Variants in PAG1 observed in about 807,000 individuals in gnomAD.
The protein encoded by PAG1 is phosphoprotein membrane anchor with glycosphingolipid microdomains 1.
A neutral mutation model predicts 31.7 loss-of-function variants in PAG1; 23 were observed. That is an observed-to-expected ratio of 0.73 (90% CI 0.52 to 1.03). PAG1 has a LOEUF of 1.03. Among genes scored for constraint, PAG1 ranks in the 50% least tolerant of loss-of-function variants. The pLI, the probability that PAG1 is intolerant of heterozygous loss-of-function variation, is 0.00. For missense variants in PAG1, 473 were observed against 540.7 expected, an observed-to-expected ratio of 0.87 and a Z score of 1.24; for synonymous variants, 214 against 210.3, an observed-to-expected ratio of 1.02 and a Z score of -0.15.
At chr8:80,987,915 G>A (rs1807459518) in intron 5 of PAG1, among the ~76,000 whole-genome samples, 1 of 152,312 alleles carries the variant, frequency 6.6e-6, no homozygotes, top group South Asian at 2.1e-4. Context: ...GGGAGCTACT[G>A]TTTTTAGATT....
chr8:80,992,668 G>A (rs899503366), intron 4 of PAG1, among the ~76,000 whole-genome samples: 1 of 152,090 alleles, frequency 6.6e-6, no homozygotes, highest in Admixed American at 6.5e-5. Flanking sequence ...GAAACTGAAG[G>A]TCTACACTAC....
At chr8:81,014,906 G>A (rs1179686058) in intron 3 of PAG1, among the ~76,000 whole-genome samples, 2 of 152,170 alleles carry the variant, frequency 1.3e-5, no homozygotes, top group African/African-American at 4.8e-5. Flanking sequence ...GGAGGTGGTG[G>A]GTTGGGTAAA....
chr8:80,997,432 G>T (rs1807702920), intron 3 of PAG1, among the ~76,000 whole-genome samples: 1 of 152,060 alleles, frequency 6.6e-6, no homozygotes, highest in Non-Finnish European at 1.5e-5. Context: ...CACCATACCA[G>T]GATAACTTTT....
chr8:81,030,792 C>G (rs1808366910), intron 2 of PAG1, among the ~76,000 whole-genome samples: 1 of 152,162 alleles, frequency 6.6e-6, no homozygotes. Flanking sequence ...AGTTCTCTTC[C>G]CATCCTCAAA....
intron 2 of PAG1, among the ~76,000 whole-genome samples, chr8:81,052,952 G>A (rs1015941122): frequency 2.0e-5 from 3 of 152,096 alleles, no homozygotes; most frequent in African/African-American, 4.8e-5. Context: ...GACAATGAGC[G>A]GATATTTATT....
Position 80,969,278 on chromosome 8 carries a change from A to C in PAG1, c.*7266T>G, listed in dbSNP as rs930752698. ...GCTTAAGGGATGGGTCATGAACACC[A>C]CATCAGGTTCATTTATGAGTCTTAT... On this transcript the variant is annotated 3_prime_UTR_variant, in exon 9 of 9. Coordinates refer to ENST00000220597, the MANE Select transcript of PAG1 (RefSeq NM_018440.4). 13 of 152,202 alleles carry C rather than the reference A, an allele frequency of 8.5e-5. No individual in the cohort carries two copies. The highest frequency in any genetic ancestry group is 1.3e-4 in the Non-Finnish European group (9 of 68,036). The allele number at this position is 152,202 out of a possible 1,614,324, so 9.4% of individuals were successfully genotyped here.
chr8:81,094,850 C>G (rs1335160651), intron 1 of PAG1, among the ~76,000 whole-genome samples: 1 of 152,160 alleles, frequency 6.6e-6, no homozygotes, highest in Non-Finnish European at 1.5e-5. Context: ...AGGCAGGACT[C>G]TCTATGAAAA....
intron 6 of PAG1, among the ~76,000 whole-genome samples, chr8:80,985,644 C>G (rs1238445407): frequency 6.6e-6 from 1 of 152,156 alleles, no homozygotes; most frequent in Non-Finnish European, 1.5e-5. Context: ...CTTAATGTCA[C>G]TCCAATGAGA....
chr8:81,080,509 G>T (rs1809248973), intron 1 of PAG1, among the ~76,000 whole-genome samples: 1 of 152,102 alleles, frequency 6.6e-6, no homozygotes, highest in African/African-American at 2.4e-5. Context: ...ACCAGCTGAT[G>T]GTTGGTTGTG....
rs756149735 is a variant in PAG1, at chr8:80,993,153, G to A, written c.75C>T (p.Ala25=). 6.8e-6 allele frequency: 11 copies of A among 1,613,748 alleles called. No individual in the cohort carries two copies. Among genetic ancestry groups the A allele is most frequent in the Non-Finnish European group, 8.5e-6 (10 of 1,179,918 alleles). The change falls in exon 4 of 9, where the codon GCC becomes GCT. Residue 25 remains alanine (A), a synonymous_variant. Transcript: ENST00000220597. The part of the protein sequence containing the change: ...ITLWGSLAAV[A]IFFVITFLIF... The stretch of plus-strand genomic sequence containing the variant: ...TGAGGAAGGTGATGACGAAGAAAAT[G>A]GCGACAGCAGCCAGACTTCCCCACA...
intron 1 of PAG1, among the ~76,000 whole-genome samples, chr8:81,101,632 C>T (rs1047946671): frequency 1.3e-5 from 2 of 152,130 alleles, no homozygotes; most frequent in Non-Finnish European, 1.5e-5. Context: ...ATATTTTGCT[C>T]TGTGCGCCTA....
intron 1 of PAG1, among the ~76,000 whole-genome samples, chr8:81,107,407 G>C (rs1304558065): frequency 6.6e-6 from 1 of 152,128 alleles, no homozygotes; most frequent in Non-Finnish European, 1.5e-5. Context: ...ATGCAATAGA[G>C]TTTAGCTATC....
chr8:81,041,430 C>A (rs1489486767), intron 2 of PAG1, among the ~76,000 whole-genome samples: 1 of 152,142 alleles, frequency 6.6e-6, no homozygotes, highest in Non-Finnish European at 1.5e-5. Context: ...AGATGTCAGC[C>A]CAGATTATGG....
chr8:81,018,391 TG>T (rs1563631228), intron 3 of PAG1, among the ~76,000 whole-genome samples: 2 of 152,212 alleles, frequency 1.3e-5, no homozygotes, highest in African/African-American at 4.8e-5. Context: ...AGATTCAACA[TG>T]GGTATTTCAA....
At chr8:81,066,657 T>C (rs1236615529) in intron 2 of PAG1, among the ~76,000 whole-genome samples, 3 of 152,202 alleles carry the variant, frequency 2.0e-5, no homozygotes, top group African/African-American at 7.2e-5. Flanking sequence ...AATACTTGCT[T>C]TCCATAGTCC....
intron 1 of PAG1, among the ~76,000 whole-genome samples, chr8:81,095,775 T>G (rs535216509): frequency 6.6e-6 from 1 of 152,318 alleles, no homozygotes; most frequent in South Asian, 2.1e-4. Flanking sequence ...TAATTAATTA[T>G]TGGCCTGCAC....
intron 3 of PAG1, among the ~76,000 whole-genome samples, chr8:80,997,261 T>C (rs1347046170): frequency 6.6e-6 from 1 of 152,230 alleles, no homozygotes; most frequent in East Asian, 1.9e-4. Flanking sequence ...TTCAACTATA[T>C]AATATTACAT....
At chr8:81,067,188 G>A (rs937667460) in intron 2 of PAG1, among the ~76,000 whole-genome samples, 1 of 152,134 alleles carries the variant, frequency 6.6e-6, no homozygotes, top group Non-Finnish European at 1.5e-5. Flanking sequence ...AATTATGTAT[G>A]TTTGCCTGGG....
intron 1 of PAG1, among the ~76,000 whole-genome samples, chr8:81,081,747 T>C (rs1809269752): frequency 6.6e-6 from 1 of 152,252 alleles, no homozygotes; most frequent in Non-Finnish European, 1.5e-5. Flanking sequence ...AGCTGCTGCA[T>C]ATATCAATAG....
Sources: gnomAD v4.1 joint callset for allele counts (sites outside exome capture counted in the v4.1 genomes callset) on GRCh38, gnomAD v4.1.1 for gene constraint, MANE v1.5 for transcripts, NCBI Gene and HGNC (gene_info 2026-07-23, HGNC 2026-07-21) for gene names.